UTP6: variants seen among roughly 807,000 people sequenced by gnomAD.
UTP6 encodes UTP6 small subunit processome component.
A neutral mutation model predicts 96.5 loss-of-function variants in UTP6; 60 were observed. The ratio of observed to expected loss-of-function variants is 0.62; its 90% CI spans 0.51 to 0.77. UTP6 has a LOEUF of 0.77. Among genes scored for constraint, UTP6 ranks in the 30% least tolerant of loss-of-function variants. The probability of loss-of-function intolerance (pLI) is 0.00; values close to 1 mark genes in which losing one functional copy is unlikely to be tolerated. For missense variants in UTP6, 637 were observed against 706.5 expected (o/e 0.90, Z 1.12); for synonymous variants, 215 against 240.1 (o/e 0.90, Z 0.96).
chr17:31,887,803 A>C (rs1005949624), intron 7 of UTP6: 1 of 151,558 alleles, frequency 6.6e-6, no homozygotes, highest in Non-Finnish European at 1.5e-5. Flanking sequence ...TCTACTAAAA[A>C]TACAAAAGTT....
chr17:31,889,795 G>T (rs947146931), intron 6 of UTP6, among the ~76,000 whole-genome samples: 1 of 151,904 alleles, frequency 6.6e-6, no homozygotes, highest in African/African-American at 2.4e-5. Context: ...ACTGCGCCCG[G>T]CCCACTCAAA....
intron 10 of UTP6, among the ~76,000 whole-genome samples, chr17:31,881,614 T>C (rs1910849122): frequency 6.6e-6 from 1 of 152,172 alleles, no homozygotes; most frequent in African/African-American, 2.4e-5. Flanking sequence ...ATTTCAGGTA[T>C]CATTCACAAA....
chr17:31,892,165 A>G, intron 6 of UTP6, 95 bp downstream of exon 6: 2 of 1,409,492 alleles, frequency 1.4e-6, no homozygotes, highest in South Asian at 2.4e-5. Context: ...TCAAGTCCTC[A>G]AAATAATTTC....
intron 17 of UTP6, among the ~76,000 whole-genome samples, chr17:31,867,589 C>G (rs1327475921): frequency 1.3e-5 from 2 of 151,826 alleles, no homozygotes; most frequent in Non-Finnish European, 2.9e-5. Flanking sequence ...GTTCTTAAAC[C>G]AGCTCTATGG....
chr17:31,901,232 C>T, intron 1 of UTP6: 1 of 371,986 alleles, frequency 2.7e-6, no homozygotes, highest in Non-Finnish European at 5.1e-6. Flanking sequence ...ATTTGTCTGT[C>T]TCCCCCACCA....
intron 16 of UTP6, among the ~76,000 whole-genome samples, chr17:31,868,325 G>GTTTTTTTTTTTTTTTTTTTTTTT (rs33960994): frequency 1.1e-5 from 1 of 90,504 alleles, no homozygotes; most frequent in Non-Finnish European, 2.0e-5. Flanking sequence ...TAGTTTTTTG[G>GTTTTTTTTTTTTTTTTTTTTTTT]TTTTTTTTTT....
chr17:31,884,398 T>G (rs751701714), intron 10 of UTP6, 26 bp downstream of exon 10: 3 of 1,555,146 alleles, frequency 1.9e-6, no homozygotes, highest in Admixed American at 3.5e-5. Context: ...AATAGATATA[T>G]TCACCTTTCT....
At chr17:31,891,905 C>T (rs1250609273) in intron 6 of UTP6, among the ~76,000 whole-genome samples, 1 of 152,172 alleles carries the variant, frequency 6.6e-6, no homozygotes, top group Non-Finnish European at 1.5e-5. Context: ...CACCTGTAAT[C>T]CCACCTACTC....
chr17:31,885,204 A>G (rs1318878624), intron 9 of UTP6, among the ~76,000 whole-genome samples: 1 of 151,998 alleles, frequency 6.6e-6, no homozygotes. Context: ...TCTGTTGCCC[A>G]GGCGCTCTCA....
At chr17:31,890,255 C>G (rs1385444655) in intron 6 of UTP6, among the ~76,000 whole-genome samples, 3 of 151,914 alleles carry the variant, frequency 2.0e-5, no homozygotes, top group Admixed American at 6.6e-5. Flanking sequence ...CTCGGCTTCC[C>G]AAAGTGCTGG....
At position 31,865,291 on chromosome 17, in the gene UTP6, G is replaced by A. The variant is rs1909752106; in HGVS notation, c.1636+75C>T. On this transcript the variant is annotated intron_variant, in intron 18 of 18. Coordinates refer to ENST00000261708, the MANE Select transcript of UTP6 (RefSeq NM_018428.3). ...GCCTCCCAAAGTGCTGGGATTACAGGCATGAGCCACTGTACTCAGCCAAGA... is the reference window on the plus strand; with the variant it reads ...GCCTCCCAAAGTGCTGGGATTACAGACATGAGCCACTGTACTCAGCCAAGA... 1 of 1,489,976 alleles carries A rather than the reference G, an allele frequency of 6.7e-7. No individual in the cohort carries two copies. The highest frequency in any genetic ancestry group is 1.4e-5 in the African/African-American group (1 of 72,230). 92.3% of individuals were successfully genotyped at this position (1,489,976 alleles called of 1,614,324 possible).
rs571583965 is a variant in UTP6, at chr17:31,863,258, T to C, written c.*101A>G. On this transcript the variant is annotated 3_prime_UTR_variant, in exon 19 of 19. Transcript: ENST00000261708. ...GTGTCTCAAAACCAGACAGCCATCT[T>C]GTCTGCCATCACTGAGCAAATTACA... The C allele has an allele frequency of 4.1e-6, 5 of 1,212,562 alleles. No individual in the cohort carries two copies. The South Asian group carries it at 7.3e-5, about 18-fold the overall frequency. 75.1% of individuals were successfully genotyped at this position (1,212,562 alleles called of 1,614,324 possible).
At chr17:31,898,456 C>T (rs909805678) in intron 2 of UTP6, among the ~76,000 whole-genome samples, 4 of 151,312 alleles carry the variant, frequency 2.6e-5, no homozygotes, top group Non-Finnish European at 5.9e-5. Context: ...ACCCAGGAAG[C>T]GGAGGTTGCA....
intron 6 of UTP6, among the ~76,000 whole-genome samples, 190 bp from the exon 7 acceptor site, chr17:31,889,593 T>C (rs992325628): frequency 8.6e-5 from 13 of 150,544 alleles, no homozygotes; most frequent in African/African-American, 3.2e-4. Context: ...GCCTCCCAGG[T>C]TCATGCCATT....
chr17:31,863,630 C>G lies in UTP6; in HGVS notation c.1637-114G>C, dbSNP rs1047838225. On this transcript the variant is annotated intron_variant, in intron 18 of 18. Transcript: ENST00000261708. ...AAACTTAACTTCTCATTGTTACTTC[C>G]CTAGGACGCTTTGTTTAACAATACC... 2.0e-5 allele frequency: 19 copies of G among 943,464 alleles called. No individual in the cohort carries two copies. The African/African-American group carries it at 3.0e-4, about 15-fold the overall frequency. The allele number at this position is 943,464 out of a possible 1,614,324, so 58.4% of individuals were successfully genotyped here.
In UTP6 at chr17:31,864,211, T is replaced by TC. The variant is rs573801872; in HGVS notation, c.1637-696dup. ...ACCAGCCTAGCCAGCATGGCGAAAC[T>TC]CCATCTCGACTGAAAATACAAAAAT... On this transcript the variant is annotated intron_variant, in intron 18 of 18. Coordinates refer to ENST00000261708, the MANE Select transcript of UTP6 (RefSeq NM_018428.3). Among the ~76,000 whole-genome samples, 318 of 151,996 alleles carry TC rather than the reference T, an allele frequency of 2.1e-3. 2 individuals carry two copies. Among genetic ancestry groups the TC allele is most frequent in the Middle Eastern group, 0.017 (5 of 294 alleles).
At position 31,889,342 on chromosome 17, in the gene UTP6, C is replaced by G. The variant is rs1567789943; in HGVS notation, c.486G>C (p.Arg162Ser). The G allele has an allele frequency of 6.2e-7, 1 of 1,613,816 alleles. No homozygotes were observed. Among genetic ancestry groups the G allele is most frequent in the African/African-American group, 1.3e-5 (1 of 74,940 alleles). ...MEDRLSSESA[R>S]QLFLRALRFH... is the part of the protein sequence containing the mutation. ...AGCGCAGTGCGCGAAGAAATAGTTG[C>G]CTTGCGCTTTCTGAAGACAATCGAT... is the stretch of plus-strand genomic sequence containing the variant. The change falls in exon 7 of 19, where the codon AGG becomes AGC. Residue 162 changes from arginine to serine, a missense_variant. Transcript: ENST00000261708.
intron 16 of UTP6, among the ~76,000 whole-genome samples, chr17:31,869,946 A>G (rs1388381680): frequency 6.6e-6 from 1 of 152,154 alleles, no homozygotes; most frequent in Non-Finnish European, 1.5e-5. Flanking sequence ...TGTTCCTGTG[A>G]TAACTTGCTG....
At chr17:31,887,128 A>G (rs1911193822) in intron 8 of UTP6, 108 bp downstream of exon 8, 2 of 1,051,380 alleles carry the variant, frequency 1.9e-6, no homozygotes, top group Non-Finnish European at 2.7e-6. Flanking sequence ...GTCTCAAAAA[A>G]AAAGAAAAAA....
Sources: gnomAD v4.1 joint callset for allele counts (sites outside exome capture counted in the v4.1 genomes callset) on GRCh38, gnomAD v4.1.1 for gene constraint, MANE v1.5 for transcripts, NCBI Gene and HGNC (gene_info 2026-07-23, HGNC 2026-07-21) for gene names.